Variants in CCDC68 observed in about 807,000 individuals in gnomAD.
CCDC68 encodes the protein coiled-coil domain containing 68, also known as coiled-coil domain-containing protein 68.
CCDC68 carries 45 observed loss-of-function variants against 47.1 expected under a neutral mutation model. The observed-to-expected ratio is 0.96, with a 90% CI of 0.75 to 1.23. CCDC68 has a LOEUF of 1.23. CCDC68 is among the 50% of genes most tolerant of loss of function. The pLI, the probability that CCDC68 is intolerant of heterozygous loss-of-function variation, is 0.00. For missense variants in CCDC68, 353 were observed against 373.6 expected (o/e 0.94, Z 0.45); for synonymous variants, 131 against 129.5 (o/e 1.01, Z -0.08).
At chr18:54,920,336 G>A (rs780361968) in intron 8 of CCDC68, among the ~76,000 whole-genome samples, 11 of 149,158 alleles carry the variant, frequency 7.4e-5, no homozygotes, top group Admixed American at 1.4e-4. Flanking sequence ...TTGGCTCACC[G>A]CAACCACCAC....
chr18:54,927,380 G>T (rs183361468), intron 8 of CCDC68, among the ~76,000 whole-genome samples: 10 of 152,070 alleles, frequency 6.6e-5, no homozygotes, highest in Non-Finnish European at 1.3e-4. Context: ...AGATCAGGTT[G>T]GTTTTTAAAA....
intron 3 of CCDC68, 101 bp downstream of exon 3, chr18:54,942,574 T>G: frequency 1.5e-6 from 1 of 680,674 alleles, no homozygotes; most frequent in Non-Finnish European, 2.5e-6. Context: ...GGTTGTTCCT[T>G]TACATATGTT....
chr18:54,934,354 G>C (rs1314989790), intron 7 of CCDC68, among the ~76,000 whole-genome samples: 1 of 152,136 alleles, frequency 6.6e-6, no homozygotes, highest in East Asian at 1.9e-4. Context: ...AATGTGAACT[G>C]TATCTCTCCT....
intron 4 of CCDC68, among the ~76,000 whole-genome samples, chr18:54,938,574 T>C (rs1036156612): frequency 2.0e-5 from 3 of 152,258 alleles, no homozygotes; most frequent in Non-Finnish European, 4.4e-5. Context: ...TGAATGACAC[T>C]GCCATTATAA....
chr18:54,919,689 G>A (rs1047099369), intron 8 of CCDC68, among the ~76,000 whole-genome samples: 1 of 152,156 alleles, frequency 6.6e-6, no homozygotes, highest in Non-Finnish European at 1.5e-5. Flanking sequence ...ACGCTAAATT[G>A]CCTTGCCTAA....
intron 1 of CCDC68, among the ~76,000 whole-genome samples, chr18:54,951,181 T>C (rs112075407): frequency 1.3e-5 from 2 of 151,850 alleles, no homozygotes; most frequent in African/African-American, 2.4e-5. Flanking sequence ...GTGCTGGGAT[T>C]ACAGGCGTGA....
At chr18:54,928,973 T>C in intron 7 of CCDC68, 91 bp from the exon 8 acceptor site, 1 of 717,534 alleles carries the variant, frequency 1.4e-6, no homozygotes, top group Non-Finnish European at 2.4e-6. Flanking sequence ...TGGCTTGAGC[T>C]AAAGAGTTAA....
intron 11 of CCDC68, among the ~76,000 whole-genome samples, chr18:54,905,822 T>G (rs1383181533): frequency 6.6e-6 from 1 of 152,146 alleles, no homozygotes; most frequent in Non-Finnish European, 1.5e-5. Flanking sequence ...CATCTGTATT[T>G]ACAGCCACTC....
At chr18:54,951,621 G>A (rs1216325630) in intron 1 of CCDC68, among the ~76,000 whole-genome samples, 2 of 152,208 alleles carry the variant, frequency 1.3e-5, no homozygotes, top group Non-Finnish European at 2.9e-5. Context: ...TTCTGAAGGA[G>A]TTTCTAAGCC....
At chr18:54,911,009 GC>G (rs914003066) in intron 10 of CCDC68, among the ~76,000 whole-genome samples, 1 of 152,204 alleles carries the variant, frequency 6.6e-6, no homozygotes, top group African/African-American at 2.4e-5. Flanking sequence ...TAGGGGTGGG[GC>G]TCTTGTGGGC....
At chr18:54,935,077 T>C (rs1386000293) in intron 6 of CCDC68, 129 bp from the exon 7 acceptor site, 2 of 636,390 alleles carry the variant, frequency 3.1e-6, no homozygotes, top group Non-Finnish European at 4.7e-6. Context: ...GAATTACTCT[T>C]TTGATTTCAG....
In CCDC68 at chr18:54,904,287, A is replaced by G; in HGVS notation, c.*71T>C. ...TGGCATTTTGCCATTTTAACATGAAACTTGGGCTGTGTTTCAGAGAATAAA... is the reference window on the plus strand; with the variant it reads ...TGGCATTTTGCCATTTTAACATGAAGCTTGGGCTGTGTTTCAGAGAATAAA... On this transcript the variant is annotated 3_prime_UTR_variant, in exon 12 of 12. Transcript: ENST00000591504. The G allele has an allele frequency of 8.1e-7, 1 of 1,239,918 alleles. No individual in the cohort carries two copies. The highest frequency in any genetic ancestry group is 1.2e-6 in the Non-Finnish European group (1 of 847,736). The allele number at this position is 1,239,918 out of a possible 1,614,324, so 76.8% of individuals were successfully genotyped here. A position where few individuals can be genotyped will look rare whatever the true frequency, so the allele number is the denominator to read the frequency against.
intron 10 of CCDC68, among the ~76,000 whole-genome samples, chr18:54,909,199 A>T (rs1261116117): frequency 6.6e-6 from 1 of 152,102 alleles, no homozygotes; most frequent in Non-Finnish European, 1.5e-5. Context: ...AGGGATCATG[A>T]GCAATGCTGA....
At chr18:54,933,142 T>G (rs1004538914) in intron 7 of CCDC68, among the ~76,000 whole-genome samples, 4 of 152,140 alleles carry the variant, frequency 2.6e-5, no homozygotes, top group African/African-American at 9.7e-5. Flanking sequence ...AGTGCTGTGG[T>G]GCAATCTCGG....
intron 10 of CCDC68, among the ~76,000 whole-genome samples, chr18:54,909,556 G>C (rs1015480767): frequency 6.6e-6 from 1 of 152,172 alleles, no homozygotes; most frequent in Non-Finnish European, 1.5e-5. Flanking sequence ...ACTCAGCCTG[G>C]CAGGCTGTGA....
intron 11 of CCDC68, among the ~76,000 whole-genome samples, chr18:54,905,608 T>C (rs1193593708): frequency 6.6e-6 from 1 of 152,218 alleles, no homozygotes; most frequent in Non-Finnish European, 1.5e-5. Context: ...TTCCATTGTA[T>C]ATTTGTGAAT....
intron 1 of CCDC68, among the ~76,000 whole-genome samples, chr18:54,945,947 C>G (rs1252259973): frequency 2.0e-5 from 3 of 152,148 alleles, no homozygotes; most frequent in Admixed American, 6.5e-5. Flanking sequence ...TCAGCAAACC[C>G]CAGCCTGGGA....
At chr18:54,910,140 C>T (rs1211040651) in intron 10 of CCDC68, among the ~76,000 whole-genome samples, 1 of 152,204 alleles carries the variant, frequency 6.6e-6, no homozygotes, top group African/African-American at 2.4e-5. Flanking sequence ...GGTGTCCTGA[C>T]AAGTGTCCAG....
chr18:54,944,587 A>G (rs917955789), intron 2 of CCDC68, among the ~76,000 whole-genome samples: 1 of 152,214 alleles, frequency 6.6e-6, no homozygotes, highest in African/African-American at 2.4e-5. Flanking sequence ...TTAGAAGCAC[A>G]TAAGGCAAAA....
Sources: allele counts gnomAD v4.1 joint callset (sites outside exome capture counted in the v4.1 genomes callset), GRCh38; gene constraint gnomAD v4.1.1; transcripts MANE v1.5; gene names NCBI Gene and HGNC (gene_info 2026-07-23, HGNC 2026-07-21).